The following PIP4K2B variants were observed in gnomAD, a reference collection of about 807,000 sequenced individuals.
The protein encoded by PIP4K2B is phosphatidylinositol 5-phosphate 4-kinase type-2 beta.
In PIP4K2B, 3 loss-of-function variants were observed where a neutral mutation model predicts 42.0. That is an observed-to-expected ratio of 0.07 (90% CI 0.03 to 0.18). The LOEUF (loss-of-function observed/expected upper bound fraction) is 0.18, where lower values mean the gene tolerates loss of function less well. PIP4K2B is among the 10% of genes least tolerant of loss of function. The pLI, the probability that PIP4K2B is intolerant of heterozygous loss-of-function variation, is 1.00. For missense variants in PIP4K2B, 332 were observed against 562.3 expected (o/e 0.59, Z 4.14); for synonymous variants, 204 against 210.1 (o/e 0.97, Z 0.25).
At chr17:38,793,037 T>C (rs1218481540) in intron 1 of PIP4K2B, among the ~76,000 whole-genome samples, 1 of 152,022 alleles carries the variant, frequency 6.6e-6, no homozygotes, top group African/African-American at 2.4e-5. Flanking sequence ...CAAGCCATTC[T>C]CCTGCCTCAG....
chr17:38,796,610 T>C (rs1910671584), intron 1 of PIP4K2B, among the ~76,000 whole-genome samples: 1 of 152,222 alleles, frequency 6.6e-6, no homozygotes, highest in African/African-American at 2.4e-5. Context: ...ACAAAATCCA[T>C]GGGCTCTTGT....
intron 1 of PIP4K2B, among the ~76,000 whole-genome samples, chr17:38,789,188 A>C (rs764264826): frequency 1.1e-4 from 16 of 152,240 alleles, no homozygotes; most frequent in Admixed American, 2.0e-4. Context: ...AAACTAAGGG[A>C]GATGGGGCAG....
rs1908893324 is a variant in PIP4K2B at position 38,769,592 on chromosome 17, C to T, written c.*99G>A. On this transcript the variant is annotated 3_prime_UTR_variant, in exon 10 of 10. Coordinates refer to ENST00000619039, the MANE Select transcript of PIP4K2B (RefSeq NM_003559.5). ...TAAAGCCCTCCCAAACCCGACTCTG[C>T]TCCCACCCTCCCATCTAGCCCAAAT... is the stretch of plus-strand genomic sequence containing the variant. The T allele has an allele frequency of 5.1e-6, 4 of 788,676 alleles. No individual in the cohort carries two copies. Among genetic ancestry groups the T allele is most frequent in the Non-Finnish European group, 9.3e-6 (4 of 430,016 alleles). 48.9% of individuals were successfully genotyped at this position (788,676 alleles called of 1,614,324 possible). A position where few individuals can be genotyped will look rare whatever the true frequency, so the allele number is the denominator to read the frequency against.
At chr17:38,778,504 G>C in intron 5 of PIP4K2B, 132 bp from the exon 6 acceptor site, 1 of 813,600 alleles carries the variant, frequency 1.2e-6, no homozygotes, top group Non-Finnish European at 2.2e-6. Flanking sequence ...GCAGCACCTT[G>C]TTCATTTACT....
chr17:38,798,185 T>C (rs914807772), intron 1 of PIP4K2B, among the ~76,000 whole-genome samples: 45 of 152,208 alleles, frequency 3.0e-4, no homozygotes, highest in African/African-American at 1.1e-3. Context: ...CCTAAAGAAC[T>C]GAAATCCACA....
intron 1 of PIP4K2B, among the ~76,000 whole-genome samples, chr17:38,793,886 A>AC (rs950829073): frequency 2.0e-5 from 3 of 151,920 alleles, no homozygotes; most frequent in African/African-American, 7.3e-5. Flanking sequence ...AAACAAACAA[A>AC]AAAAAAAACA....
intron 1 of PIP4K2B, among the ~76,000 whole-genome samples, chr17:38,788,424 T>C (rs1489675341): frequency 6.6e-6 from 1 of 151,926 alleles, no homozygotes; most frequent in Non-Finnish European, 1.5e-5. Flanking sequence ...ATAGTCTCGA[T>C]CTCCTGAGCT....
At chr17:38,792,227 C>T (rs1910380452) in intron 1 of PIP4K2B, among the ~76,000 whole-genome samples, 1 of 152,128 alleles carries the variant, frequency 6.6e-6, no homozygotes, top group African/African-American at 2.4e-5. Context: ...CAGCTCACTG[C>T]AGCCTCAACT....
intron 3 of PIP4K2B, among the ~76,000 whole-genome samples, chr17:38,783,583 C>T (rs186435300): frequency 2.0e-5 from 3 of 151,726 alleles, no homozygotes; most frequent in East Asian, 1.9e-4. Context: ...CCTCATCTCT[C>T]GCTAACAACA....
intron 7 of PIP4K2B, among the ~76,000 whole-genome samples, chr17:38,774,892 G>A (rs1343054377): frequency 6.6e-6 from 1 of 152,138 alleles, no homozygotes; most frequent in Non-Finnish European, 1.5e-5. Flanking sequence ...ATTAACTGAT[G>A]AATAAACAAA....
At chr17:38,782,322 C>T (rs1274829953) in intron 3 of PIP4K2B, among the ~76,000 whole-genome samples, 3 of 152,186 alleles carry the variant, frequency 2.0e-5, no homozygotes, top group Non-Finnish European at 4.4e-5. Context: ...ATCCTCCCTG[C>T]CCTCATTTCA....
At chr17:38,782,344 G>A (rs1052212683) in intron 3 of PIP4K2B, among the ~76,000 whole-genome samples, 3 of 152,196 alleles carry the variant, frequency 2.0e-5, no homozygotes, top group Non-Finnish European at 4.4e-5. Flanking sequence ...TCTTGAGCAC[G>A]GGCATGCGCC....
chr17:38,780,647 A>G, intron 3 of PIP4K2B, 43 bp from the exon 4 acceptor site: 1 of 1,591,212 alleles, frequency 6.3e-7, no homozygotes, highest in Non-Finnish European at 8.6e-7. Flanking sequence ...GCAGGGGAAC[A>G]GAATTCTGAC....
intron 1 of PIP4K2B, among the ~76,000 whole-genome samples, chr17:38,788,588 G>A (rs1910168481): frequency 6.6e-6 from 1 of 151,934 alleles, no homozygotes; most frequent in African/African-American, 2.4e-5. Flanking sequence ...CTGGCACAGT[G>A]GCTCATGCCT....
chr17:38,774,771 A>G (rs1055248377), intron 7 of PIP4K2B, among the ~76,000 whole-genome samples: 12 of 151,888 alleles, frequency 7.9e-5, no homozygotes, highest in Non-Finnish European at 1.8e-4. Flanking sequence ...CTCTGTCTCA[A>G]AAAAAATAAA....
chr17:38,783,032 AG>A (rs1909794873), intron 3 of PIP4K2B, among the ~76,000 whole-genome samples: 1 of 151,746 alleles, frequency 6.6e-6, no homozygotes, highest in South Asian at 2.1e-4. Flanking sequence ...CTAAAAAAAA[AG>A]AAATGCAAAA....
At chr17:38,778,406 C>T in intron 5 of PIP4K2B, 34 bp from the exon 6 acceptor site, 2 of 1,610,544 alleles carry the variant, frequency 1.2e-6, no homozygotes, top group Non-Finnish European at 1.7e-6. Flanking sequence ...GGAAGTCAAG[C>T]TGAGGCAAAG....
Position 38,768,958 on chromosome 17 carries a change from C to T in PIP4K2B, c.*733G>A, listed in dbSNP as rs1340441179. The T allele has an allele frequency of 6.6e-6, 1 of 152,640 alleles. No homozygotes were observed. Among genetic ancestry groups the T allele is most frequent in the Non-Finnish European group, 1.5e-5 (1 of 68,066 alleles). The allele number at this position is 152,640 out of a possible 1,614,324, so 9.5% of individuals were successfully genotyped here. ...AGCCCAGCCGCTTTCCTGCCCCTCA[C>T]CATCCCATGAGGATGAACTTATTCC... On this transcript the variant is annotated 3_prime_UTR_variant, in exon 10 of 10. Transcript: ENST00000619039.
intron 1 of PIP4K2B, chr17:38,792,767 G>C (rs935598222): frequency 6.6e-6 from 1 of 152,204 alleles, no homozygotes; most frequent in Non-Finnish European, 1.5e-5. Context: ...ACTCCAGAGA[G>C]GAAGAGAGGG....
Sources: gnomAD v4.1 joint callset for allele counts (sites outside exome capture counted in the v4.1 genomes callset) on GRCh38, gnomAD v4.1.1 for gene constraint, MANE v1.5 for transcripts, NCBI Gene and HGNC (gene_info 2026-07-23, HGNC 2026-07-21) for gene names.